The following CCND3 variants were observed in gnomAD, a reference collection of about 807,000 sequenced individuals.
The protein encoded by CCND3 is G1/S-specific cyclin-D3.
Under a neutral mutation model 28.7 loss-of-function variants are expected in CCND3, and 9 were observed. The ratio of observed to expected loss-of-function variants is 0.31; its 90% CI spans 0.19 to 0.55. CCND3 has a LOEUF of 0.55. Among genes scored for constraint, CCND3 ranks in the 20% least tolerant of loss-of-function variants. The pLI, the probability that CCND3 is intolerant of heterozygous loss-of-function variation, is 0.93. For synonymous variants in CCND3, 164 were observed against 163.9 expected (o/e 1.00, Z 0.00); for missense variants, 315 against 385.8 (o/e 0.82, Z 1.54).
chr6:41,969,760 A>G (rs1761984374), intron 1 of CCND3, among the ~76,000 whole-genome samples: 1 of 152,138 alleles, frequency 6.6e-6, no homozygotes, highest in Non-Finnish European at 1.5e-5. Context: ...AAACAAAAAA[A>G]GCAAAACAGA....
intron 1 of CCND3, among the ~76,000 whole-genome samples, chr6:41,951,410 C>T (rs536763799): frequency 3.6e-5 from 5 of 138,616 alleles, no homozygotes; most frequent in African/African-American, 5.6e-5. Flanking sequence ...AAAAATTAGC[C>T]GGGCATGGTA....
intron 1 of CCND3, among the ~76,000 whole-genome samples, chr6:41,976,359 A>C (rs1190164566): frequency 6.6e-6 from 1 of 151,502 alleles, no homozygotes; most frequent in East Asian, 1.9e-4. Context: ...CAAAAAAAGA[A>C]AAAAAAAATT....
At chr6:42,047,100 T>A (rs1384999122) in intron 1 of CCND3, among the ~76,000 whole-genome samples, 2 of 152,218 alleles carry the variant, frequency 1.3e-5, no homozygotes, top group Non-Finnish European at 2.9e-5. Context: ...GACAGTGTTA[T>A]GTAACTGTTA....
At position 41,939,306 on chromosome 6, in the gene CCND3, T is replaced by C. The variant is rs1027835475; in HGVS notation, c.414+1064A>G. On this transcript the variant is annotated intron_variant, in intron 2 of 4. Coordinates refer to ENST00000372991, the MANE Select transcript of CCND3 (RefSeq NM_001760.5). The surrounding 1 kb of genome is among the most constrained non-coding windows in gnomAD (Gnocchi z 4.2). ...GCTTGCTGCCCTCCTCCCTGGGAGA[T>C]GGGGCCCAGAGACTCCTCTCAGGGT... Among the ~76,000 whole-genome samples, 1 of 151,990 alleles carries C rather than the reference T, an allele frequency of 6.6e-6. No homozygotes were observed. Among genetic ancestry groups the C allele is most frequent in the South Asian group, 2.1e-4 (1 of 4,816 alleles).
At chr6:41,975,385 C>T (rs1418308484) in intron 1 of CCND3, among the ~76,000 whole-genome samples, 1 of 152,056 alleles carries the variant, frequency 6.6e-6, no homozygotes, top group Admixed American at 6.6e-5. Context: ...CATTCCCAGG[C>T]CCACCTCCTC....
rs3218099 is a variant in CCND3 at position 41,937,218 on chromosome 6, G to A, written c.574+17C>T. ...CTGATTTTTCCAATTTGGCAAAAAT[G>A]TGCATAGGGCTCTTACCTGTAGCAC... On this transcript the variant is annotated intron_variant, in intron 3 of 4. Coordinates refer to ENST00000372991, the MANE Select transcript of CCND3 (RefSeq NM_001760.5). 3,712 of 1,613,900 alleles carry A rather than the reference G, an allele frequency of 2.3e-3. 63 individuals carry two copies. The African/African-American group carries it at 0.04, about 17-fold the overall frequency.
chr6:41,981,499 G>A (rs1250133741), intron 1 of CCND3, among the ~76,000 whole-genome samples: 1 of 96,128 alleles, frequency 1.0e-5, no homozygotes, highest in African/African-American at 3.0e-5. Context: ...CACCACGCCC[G>A]GCCATGAGCC....
chr6:41,993,785 T>C (rs558171109), intron 1 of CCND3, among the ~76,000 whole-genome samples: 1 of 151,410 alleles, frequency 6.6e-6, no homozygotes, highest in African/African-American at 2.4e-5. Flanking sequence ...TAGCTGGGCA[T>C]GGTGGTGGGT....
rs1396089018 is a variant in CCND3 at position 41,935,978 on chromosome 6, T to G, written c.841A>C (p.Thr281Pro). 6.2e-7 allele frequency: 1 copy of G among 1,613,206 alleles called. No individual in the cohort carries two copies. Among genetic ancestry groups the G allele is most frequent in the Non-Finnish European group, 8.5e-7 (1 of 1,179,684 alleles). ...GCTGTGACATCTGTAGGAGTGCTGG[T>G]CTGGCTGGGCCCTTGGCTGCTGGAG... ...RGSSSQGPSQ[T>P]STPTDVTAIH... Residue 281 changes from threonine (T) to proline (P), a missense_variant, in exon 5 of 5, where the codon ACC becomes CCC. Thr to Pro is a conservative substitution (Grantham distance 38). Transcript: ENST00000372991.
intron 1 of CCND3, among the ~76,000 whole-genome samples, chr6:42,034,595 A>G (rs1229897147): frequency 6.9e-6 from 1 of 144,232 alleles, no homozygotes; most frequent in Non-Finnish European, 1.5e-5. Flanking sequence ...CCCCTGCCTC[A>G]GCCTCCCGAG....
At position 42,013,816 on chromosome 6, in the gene CCND3, G is replaced by C. The variant is rs1382603507; in HGVS notation, c.-46+34685C>G. Among the ~76,000 whole-genome samples the C allele has an allele frequency of 2.0e-5, 3 of 152,298 alleles. No individual in the cohort carries two copies. In the East Asian group the frequency reaches 5.8e-4, roughly 29 times the overall value. On this transcript the variant is annotated intron_variant, in intron 1 of 4. Coordinates refer to the CCND3 transcript ENST00000372988. ...GGGCCGGGCGTGGTGGCTCACACCTGTAATCCCAGCACTTTGGGAGGCCGA... is the reference window on the plus strand; with the variant it reads ...GGGCCGGGCGTGGTGGCTCACACCTCTAATCCCAGCACTTTGGGAGGCCGA...
chr6:41,980,262 A>T (rs1762306144), intron 1 of CCND3, among the ~76,000 whole-genome samples: 1 of 151,882 alleles, frequency 6.6e-6, no homozygotes, highest in Admixed American at 6.6e-5. Context: ...CAGCCTCCTG[A>T]ATAGCTGGGA....
In CCND3 at chr6:41,935,627, C is replaced by G. The variant is rs995495208; in HGVS notation, c.*313G>C. The G allele has an allele frequency of 4.6e-5, 20 of 431,944 alleles. No homozygotes were observed. The highest frequency in any genetic ancestry group is 7.4e-5 in the Admixed American group (2 of 27,124). The allele number at this position is 431,944 out of a possible 1,614,324, so 26.8% of individuals were successfully genotyped here. On this transcript the variant is annotated 3_prime_UTR_variant, in exon 5 of 5. Transcript: ENST00000372991. ...GAGAGCCCCCAGGGGTGGGGGGGGG[C>G]GTTCAAAAGGAATGCTGGTGTATGT...
chr6:41,996,873 C>T (rs1386451417), intron 1 of CCND3, among the ~76,000 whole-genome samples: 1 of 152,110 alleles, frequency 6.6e-6, no homozygotes, highest in Admixed American at 6.6e-5. Flanking sequence ...CCATGTTGGC[C>T]AGGCTGGTCT....
chr6:41,957,796 A>G (rs1776475871), intron 1 of CCND3, among the ~76,000 whole-genome samples: 1 of 152,042 alleles, frequency 6.6e-6, no homozygotes, highest in African/African-American at 2.4e-5. Context: ...TCAGCCATTC[A>G]CAGTTCCAGA....
intron 1 of CCND3, among the ~76,000 whole-genome samples, chr6:41,987,694 G>T (rs1205509044): frequency 6.6e-6 from 1 of 151,130 alleles, no homozygotes; most frequent in Non-Finnish European, 1.5e-5. Flanking sequence ...TAGAGAGGGG[G>T]TCTTGCTATG....
Position 41,940,400 on chromosome 6 carries a change from G to C in CCND3, c.384C>G (p.Thr128=). ...ACTGGCGGGGAGAGACAGCGTGGTC[G>C]GTGTAGATGCACAGTTTTTCGATGG... is the stretch of plus-strand genomic sequence containing the variant. ...PLTIEKLCIY[T]DHAVSPRQLR... The change falls in exon 2 of 5, where the codon ACC becomes ACG. Residue 128 remains threonine, a synonymous_variant. Transcript: ENST00000372991. 1 of 1,614,146 alleles carries C rather than the reference G, an allele frequency of 6.2e-7. No homozygotes were observed. The highest frequency in any genetic ancestry group is 8.5e-7 in the Non-Finnish European group (1 of 1,180,032).
rs1227442451 is a variant in CCND3, at chr6:41,934,963, A to AATC, written c.*974_*976dup. On this transcript the variant is annotated 3_prime_UTR_variant, in exon 5 of 5. Coordinates refer to ENST00000372991, the MANE Select transcript of CCND3 (RefSeq NM_001760.5). ...GAAGCCAAAGCCAGTTTTATTTCAC[A>AATC]ATCATCTTTATTACAGTAGGATGAT... 1 of 229,954 alleles carries AATC rather than the reference A, an allele frequency of 4.3e-6. No individual in the cohort carries two copies. The highest frequency in any genetic ancestry group is 6.2e-5 in the East Asian group (1 of 16,254). 14.2% of individuals were successfully genotyped at this position (229,954 alleles called of 1,614,324 possible). A position where few individuals can be genotyped will look rare whatever the true frequency, so the allele number is the denominator to read the frequency against.
chr6:41,937,188 G>T, intron 3 of CCND3, 47 bp downstream of exon 3: 1 of 1,599,046 alleles, frequency 6.3e-7, no homozygotes, highest in Non-Finnish European at 8.6e-7. Context: ...ACCCTTATAA[G>T]TCTTCTGATT....
Sources: allele counts gnomAD v4.1 joint callset (sites outside exome capture counted in the v4.1 genomes callset), GRCh38; gene constraint gnomAD v4.1.1; non-coding constraint Gnocchi (gnomAD v3.1); transcripts MANE v1.5; gene names NCBI Gene and HGNC (gene_info 2026-07-23, HGNC 2026-07-21).